Variants in CCDC125 observed in about 807,000 individuals in gnomAD.
CCDC125 encodes the protein coiled-coil domain containing 125.
CCDC125 carries 43 observed loss-of-function variants against 57.4 expected under a neutral mutation model. The observed-to-expected ratio is 0.75, with a 90% CI of 0.59 to 0.97. The LOEUF (loss-of-function observed/expected upper bound fraction) is 0.97. Among genes scored for constraint, CCDC125 ranks in the 50% least tolerant of loss-of-function variants. The pLI is 0.00. For missense variants in CCDC125, 563 were observed against 595.7 expected (o/e 0.95, Z 0.57); for synonymous variants, 187 against 195.2 (o/e 0.96, Z 0.35).
intron 7 of CCDC125, among the ~76,000 whole-genome samples, chr5:69,300,778 G>A (rs558924061): frequency 2.4e-4 from 37 of 152,182 alleles, no homozygotes; most frequent in African/African-American, 8.7e-4. Context: ...AGCTGGAGGC[G>A]TTTATACAAC....
intron 2 of CCDC125, among the ~76,000 whole-genome samples, chr5:69,318,193 G>C (rs1759435910): frequency 2.0e-5 from 3 of 151,178 alleles, no homozygotes; most frequent in Admixed American, 2.0e-4. Context: ...TGTTGGTCAG[G>C]CTGGTCTGAA....
chr5:69,300,321 T>C (rs1044417915), intron 7 of CCDC125, among the ~76,000 whole-genome samples, 194 bp from the exon 8 acceptor site: 1 of 152,002 alleles, frequency 6.6e-6, no homozygotes, highest in African/African-American at 2.4e-5. Flanking sequence ...CTAGATGAGA[T>C]GGTGTCATTT....
In CCDC125 at chr5:69,285,432, GC is replaced by G. The variant is rs761670856; in HGVS notation, c.1134del (p.Gln379ArgfsTer30). 6.2e-7 allele frequency: 1 copy of G among 1,607,698 alleles called. No homozygotes were observed. Among genetic ancestry groups the G allele is most frequent in the Non-Finnish European group, 8.5e-7 (1 of 1,177,960 alleles). On this transcript the variant is annotated frameshift_variant, in exon 11 of 12. Transcript: ENST00000396496. LOFTEE classifies it high-confidence loss of function. Reference protein sequence around the residue: ...FPSPRSKKTFGQRLLGMLPSE... With the variant: ...FPSPRSKKTFXQRLLGMLPSE... ...GAAGGGAGCATACCCAACAGTCTCT[GC>G]CCGAAGGTCTTCTTACTCCTTGGTG...
chr5:69,275,305 T>A (rs548515585), downstream of CCDC125, among the ~76,000 whole-genome samples: 2 of 152,198 alleles, frequency 1.3e-5, no homozygotes, highest in Non-Finnish European at 2.9e-5. Flanking sequence ...TTAGAATCCA[T>A]TGGTTCCAAC....
At chr5:69,296,745 C>T (rs1196916592) in intron 8 of CCDC125, among the ~76,000 whole-genome samples, 1 of 152,022 alleles carries the variant, frequency 6.6e-6, no homozygotes, top group Non-Finnish European at 1.5e-5. Context: ...AGGTGGATCA[C>T]CTGAGTTCAG....
intron 1 of CCDC125, among the ~76,000 whole-genome samples, chr5:69,331,344 T>C (rs990679727): frequency 6.6e-6 from 1 of 151,820 alleles, no homozygotes; most frequent in Admixed American, 6.5e-5. Flanking sequence ...GCGATTCTCC[T>C]GCCTCAGCCT....
At chr5:69,318,734 C>T (rs1759542130) in intron 2 of CCDC125, among the ~76,000 whole-genome samples, 1 of 151,412 alleles carries the variant, frequency 6.6e-6, no homozygotes, top group Non-Finnish European at 1.5e-5. Context: ...GCCTGGGCGA[C>T]AAGAGTGAGA....
intron 6 of CCDC125, 22 bp from the exon 7 acceptor site, chr5:69,303,951 A>C: frequency 7.2e-7 from 1 of 1,380,626 alleles, no homozygotes; most frequent in Non-Finnish European, 1.0e-6. Flanking sequence ...TGGCTTTCAA[A>C]TAACTAAAAC....
chr5:69,302,931 T>A (rs1418532741), intron 7 of CCDC125, among the ~76,000 whole-genome samples: 1 of 152,078 alleles, frequency 6.6e-6, no homozygotes, highest in Non-Finnish European at 1.5e-5. Context: ...AGAAATTGCT[T>A]AATAGGTAGG....
Position 69,292,205 on chromosome 5 carries a change from T to C in CCDC125, c.1082A>G (p.Lys361Arg). 1.3e-5 allele frequency: 21 copies of C among 1,613,082 alleles called. No homozygotes were observed. Among genetic ancestry groups the C allele is most frequent in the Non-Finnish European group, 1.7e-5 (20 of 1,179,770 alleles). The change falls in exon 10 of 12, where the codon AAG becomes AGG. Residue 361 changes from lysine (K) to arginine (R), a missense_variant. Transcript: ENST00000396496. ...HKKATKWMNWKHLKEDGFPSP... is the reference protein window; with the variant it reads ...HKKATKWMNWRHLKEDGFPSP... Reference sequence around the variant, plus strand: ...ATAGTTACCATCCTCTTTAAGGTGCTTCCAATTCATCCATTTTGTTGCTTT... The same window carrying C: ...ATAGTTACCATCCTCTTTAAGGTGCCTCCAATTCATCCATTTTGTTGCTTT...
At chr5:69,275,313 A>C (rs191475006), downstream of CCDC125, among the ~76,000 whole-genome samples, 150 of 152,324 alleles carry the variant, frequency 9.8e-4, no homozygotes, top group African/African-American at 3.4e-3. Context: ...CATTGGTTCC[A>C]ACCTACTGTA....
At chr5:69,300,496 C>T (rs189514209) in intron 7 of CCDC125, among the ~76,000 whole-genome samples, 3 of 152,300 alleles carry the variant, frequency 2.0e-5, no homozygotes, top group Non-Finnish European at 2.9e-5. Context: ...GTATCCATAT[C>T]AAACATACCA....
At chr5:69,328,906 GC>G (rs1761059795) in intron 1 of CCDC125, among the ~76,000 whole-genome samples, 1 of 151,310 alleles carries the variant, frequency 6.6e-6, no homozygotes. Context: ...CCATTCTCCT[GC>G]CTCAGCCTCC....
chr5:69,286,124 T>C (rs1184017228), intron 10 of CCDC125, among the ~76,000 whole-genome samples: 1 of 142,420 alleles, frequency 7.0e-6, no homozygotes, highest in Non-Finnish European at 1.5e-5. Context: ...AGCTGGATGG[T>C]GATGAAGGTT....
chr5:69,292,338 C>G lies in CCDC125; in HGVS notation c.949G>C (p.Glu317Gln), dbSNP rs1754588781. The G allele has an allele frequency of 2.5e-6, 4 of 1,612,440 alleles. No individual in the cohort carries two copies. In the African/African-American group the frequency reaches 4.0e-5, roughly 16 times the overall value. The change falls in exon 10 of 12, where the codon GAA (glutamate) becomes CAA (glutamine). Residue 317 changes from glutamate (E) to glutamine (Q), a missense_variant. Coordinates refer to ENST00000396496, the MANE Select transcript of CCDC125 (RefSeq NM_176816.5). Reference protein sequence around the residue: ...QELEILQKSKEEAYVMADAFR... With the variant: ...QELEILQKSKQEAYVMADAFR... ...GCATCTGCCATCACGTAAGCTTCTT[C>G]TTTACTCTTCTGCAAAATTTCCAAC...
At chr5:69,297,009 G>A (rs1435303403) in intron 8 of CCDC125, among the ~76,000 whole-genome samples, 1 of 150,546 alleles carries the variant, frequency 6.6e-6, no homozygotes, top group Admixed American at 6.6e-5. Context: ...ATTCCAGTAT[G>A]TACCAATTTC....
intron 10 of CCDC125, 113 bp downstream of exon 10, chr5:69,292,075 G>T: frequency 1.0e-6 from 1 of 955,834 alleles, no homozygotes; most frequent in Non-Finnish European, 1.6e-6. Context: ...ACAACCATAT[G>T]TGAAGTTTCA....
intron 10 of CCDC125, among the ~76,000 whole-genome samples, chr5:69,285,676 GT>G (rs1753223334): frequency 6.6e-6 from 1 of 152,200 alleles, no homozygotes; most frequent in Non-Finnish European, 1.5e-5. Context: ...CCACCCCTCT[GT>G]GCCAGCTGAC....
At chr5:69,311,819 T>G (rs1212471998) in intron 3 of CCDC125, among the ~76,000 whole-genome samples, 1 of 151,308 alleles carries the variant, frequency 6.6e-6, no homozygotes, top group Non-Finnish European at 1.5e-5. Flanking sequence ...CTGCAACCTC[T>G]GCCTCACAGG....
Sources: allele counts gnomAD v4.1 joint callset (sites outside exome capture counted in the v4.1 genomes callset), GRCh38; gene constraint gnomAD v4.1.1; transcripts MANE v1.5; gene names NCBI Gene and HGNC (gene_info 2026-07-23, HGNC 2026-07-21).